The following DMBT1 variants were observed in gnomAD, a reference collection of about 807,000 sequenced individuals.
The protein encoded by DMBT1 is scavenger receptor cysteine-rich domain-containing protein DMBT1.
DMBT1 carries 198 observed loss-of-function variants against 252.9 expected under a neutral mutation model. The ratio of observed to expected loss-of-function variants is 0.78; its 90% CI spans 0.70 to 0.88. The LOEUF (loss-of-function observed/expected upper bound fraction) is 0.88. DMBT1 is among the 40% of genes least tolerant of loss of function. The pLI is 0.00. For missense variants in DMBT1, 2,432 were observed against 2,404.7 expected (o/e 1.01, Z -0.24); for synonymous variants, 990 against 942.7 (o/e 1.05, Z -0.92).
chr10:122,642,287 AG>A (rs1294761257), intron 55 of DMBT1, among the ~76,000 whole-genome samples: 13 of 152,204 alleles, frequency 8.5e-5, no homozygotes, highest in Non-Finnish European at 1.5e-4. Flanking sequence ...GATCCTGGCC[AG>A]GTTCCCAGGC....
chr10:122,628,744 A>G (rs1368620305), intron 46 of DMBT1, among the ~76,000 whole-genome samples: 1 of 152,230 alleles, frequency 6.6e-6, no homozygotes, highest in Non-Finnish European at 1.5e-5. Flanking sequence ...ATATTGTACA[A>G]TTTGTTTTAT....
chr10:122,565,930 A>G, intron 1 of DMBT1, 37 bp from the exon 2 acceptor site: 1 of 1,609,774 alleles, frequency 6.2e-7, no homozygotes, highest in African/African-American at 1.3e-5. Flanking sequence ...AATCATTTCT[A>G]AACAGTGTTT....
intron 2 of DMBT1, among the ~76,000 whole-genome samples, chr10:122,569,824 A>C (rs1239541302): frequency 1.3e-5 from 2 of 152,156 alleles, no homozygotes; most frequent in African/African-American, 4.8e-5. Context: ...TTGTCATTTG[A>C]GGGTGTGTTT....
chr10:122,633,061 C>T (rs2098179181), intron 51 of DMBT1, 130 bp from the exon 52 acceptor site: 3 of 1,492,052 alleles, frequency 2.0e-6, no homozygotes, highest in Non-Finnish European at 1.8e-6. Context: ...CCACCTCTTG[C>T]TCTTACTTGG....
intron 40 of DMBT1, among the ~76,000 whole-genome samples, chr10:122,617,470 C>T (rs1446220007): frequency 1.3e-5 from 2 of 151,380 alleles, no homozygotes; most frequent in Non-Finnish European, 2.9e-5. Context: ...GGACCCTGTT[C>T]CAAGTGTTCA....
chr10:122,597,779 G>A (rs947659680), intron 24 of DMBT1, among the ~76,000 whole-genome samples, 195 bp from the exon 25 acceptor site: 2 of 152,168 alleles, frequency 1.3e-5, no homozygotes, highest in Non-Finnish European at 2.9e-5. Flanking sequence ...AGGAGGGATC[G>A]AACTGGTCTC....
At chr10:122,617,573 A>C (rs1196891253) in intron 40 of DMBT1, among the ~76,000 whole-genome samples, 1 of 151,590 alleles carries the variant, frequency 6.6e-6, no homozygotes, top group Non-Finnish European at 1.5e-5. Context: ...CACGCACTGC[A>C]GACCTGCAAG....
At chr10:122,585,834 A>G (rs1052968869) in intron 15 of DMBT1, among the ~76,000 whole-genome samples, 2 of 148,288 alleles carry the variant, frequency 1.3e-5, no homozygotes, top group African/African-American at 4.9e-5. Context: ...GTTCCTGTTA[A>G]CTCCAGTAGG....
At chr10:122,578,442 C>T (rs114545682) in intron 8 of DMBT1, among the ~76,000 whole-genome samples, 129 of 152,228 alleles carry the variant, frequency 8.5e-4, no homozygotes, top group African/African-American at 2.9e-3. Flanking sequence ...AGTCAGTCCA[C>T]GCGTCAGTGG....
Position 122,592,266 on chromosome 10 carries a change from C to T in DMBT1, c.2177-6C>T, listed in dbSNP as rs759055698. The T allele has an allele frequency of 1.1e-5, 18 of 1,586,334 alleles. 3 individuals are homozygous for T. Among genetic ancestry groups the T allele is most frequent in the Non-Finnish European group, 1.5e-5 (18 of 1,165,320 alleles). Reference sequence around the variant, plus strand: ...ATGGATAAAGGGTTCTTGTGTTCCCCTGTAGGATCTGAATCCAGTTTGACC... The same window carrying T: ...ATGGATAAAGGGTTCTTGTGTTCCCTTGTAGGATCTGAATCCAGTTTGACC... On this transcript the variant is annotated splice_polypyrimidine_tract_variant and splice_region_variant and intron_variant, in intron 19 of 55. Transcript: ENST00000338354.
chr10:122,597,716 G>A lies in DMBT1; in HGVS notation c.2918-258G>A, dbSNP rs2097896043. Among the ~76,000 whole-genome samples the A allele has an allele frequency of 2.0e-5, 3 of 152,308 alleles. No homozygotes were observed. In the South Asian group the frequency reaches 6.2e-4, roughly 32 times the overall value. On this transcript the variant is annotated intron_variant, in intron 24 of 55. Coordinates refer to ENST00000338354, the MANE Select transcript of DMBT1 (RefSeq NM_001377530.1). Reference sequence around the variant, plus strand: ...CCCGTCAGTGCATGTGTCAGTGCATGGAACAGGCTAACCCTTTGTGACTGA... The same window carrying A: ...CCCGTCAGTGCATGTGTCAGTGCATAGAACAGGCTAACCCTTTGTGACTGA...
intron 1 of DMBT1, among the ~76,000 whole-genome samples, chr10:122,565,150 T>C (rs1038076326): frequency 2.0e-5 from 3 of 152,236 alleles, no homozygotes; most frequent in Non-Finnish European, 2.9e-5. Context: ...TTTCTTACTA[T>C]TTAATAATTG....
At chr10:122,561,185 C>T (rs1302657774) in intron 1 of DMBT1, among the ~76,000 whole-genome samples, 1 of 152,220 alleles carries the variant, frequency 6.6e-6, no homozygotes, top group Non-Finnish European at 1.5e-5. Context: ...TGGTTAAACA[C>T]ACAATTTGTG....
chr10:122,571,055 C>T (rs2097658510), intron 4 of DMBT1, 118 bp downstream of exon 4: 2 of 1,258,804 alleles, frequency 1.6e-6, no homozygotes, highest in African/African-American at 3.0e-5. Flanking sequence ...GTCATGTTCT[C>T]AGGTAGTGTG....
Position 122,581,594 on chromosome 10 carries a change from C to A in DMBT1, c.1034-199C>A, listed in dbSNP as rs1046173306. Among the ~76,000 whole-genome samples the A allele has an allele frequency of 2.7e-3, 397 of 147,106 alleles. 2 individuals are homozygous for A. Among genetic ancestry groups the A allele is most frequent in the African/African-American group, 9.6e-3 (368 of 38,326 alleles). On this transcript the variant is annotated intron_variant, in intron 11 of 55. Coordinates refer to ENST00000338354, the MANE Select transcript of DMBT1 (RefSeq NM_001377530.1). ...ACCCCAGGATTACAGAAATGGAGGGCTCAGTCTGGTCTCCAGCAGGACCTT... is the reference window on the plus strand; with the variant it reads ...ACCCCAGGATTACAGAAATGGAGGGATCAGTCTGGTCTCCAGCAGGACCTT...
intron 54 of DMBT1, among the ~76,000 whole-genome samples, 173 bp from the exon 55 acceptor site, chr10:122,639,867 T>C (rs1047967388): frequency 6.6e-6 from 1 of 152,238 alleles, no homozygotes; most frequent in African/African-American, 2.4e-5. Context: ...TCTGGCACCC[T>C]GTGCTGGCTC....
At chr10:122,580,804 T>C in intron 10 of DMBT1, 62 bp from the exon 11 acceptor site, 1 of 1,599,526 alleles carries the variant, frequency 6.3e-7, no homozygotes, top group Non-Finnish European at 8.6e-7. Context: ...TCCCTCCTCG[T>C]TCCAGTTTTG....
At chr10:122,586,455 TCTC>T in intron 16 of DMBT1, 72 bp downstream of exon 16, 2 of 1,553,736 alleles carry the variant, frequency 1.3e-6, no homozygotes, top group South Asian at 1.2e-5. Flanking sequence ...TATGTTCTAA[TCTC>T]CTCACTTAGA....
Position 122,625,973 on chromosome 10 carries a change from T to A in DMBT1, c.5668+8T>A. 1.9e-5 allele frequency: 31 copies of A among 1,608,118 alleles called. No homozygotes were observed. Among genetic ancestry groups the A allele is most frequent in the Non-Finnish European group, 2.6e-5 (31 of 1,174,482 alleles). ...CAACTACAACCACTGCAAGTAGGTA[T>A]CACATTTTCTACCTGAACCATAGGT... On this transcript the variant is annotated splice_region_variant and intron_variant, in intron 46 of 55. Transcript: ENST00000338354.
Sources: gnomAD v4.1 joint callset for allele counts (sites outside exome capture counted in the v4.1 genomes callset) on GRCh38, gnomAD v4.1.1 for gene constraint, MANE v1.5 for transcripts, NCBI Gene and HGNC (gene_info 2026-07-23, HGNC 2026-07-21) for gene names.